Variants in RASSF6 observed in about 807,000 individuals in gnomAD.
The protein encoded by RASSF6 is ras association domain-containing protein 6.
A neutral mutation model predicts 44.0 loss-of-function variants in RASSF6; 52 were observed. The observed-to-expected ratio is 1.18, with a 90% CI of 0.95 to 1.49. RASSF6 has a LOEUF of 1.49. Ranked by LOEUF, RASSF6 falls within the 40% of genes most tolerant of loss-of-function variation. The pLI is 0.00. For missense variants in RASSF6, 464 were observed against 393.3 expected (o/e 1.18, Z -1.52); for synonymous variants, 162 against 124.6 (o/e 1.30, Z -2.00).
intron 3 of RASSF6, among the ~76,000 whole-genome samples, chr4:73,594,833 C>G (rs1724821067): frequency 6.6e-6 from 1 of 152,122 alleles, no homozygotes; most frequent in African/African-American, 2.4e-5. Context: ...CTCAATTAAG[C>G]CTTTGTATCA....
intron 8 of RASSF6, among the ~76,000 whole-genome samples, chr4:73,576,991 A>T (rs1006895427): frequency 3.3e-5 from 5 of 152,178 alleles, no homozygotes; most frequent in African/African-American, 1.2e-4. Context: ...CTCCGGTCTG[A>T]TAGGCCTTTT....
chr4:73,585,295 T>TAG lies in RASSF6; in HGVS notation c.450_451dup (p.Tyr151SerfsTer5). On this transcript the variant is annotated frameshift_variant, in exon 6 of 11. Coordinates refer to ENST00000307439, the MANE Select transcript of RASSF6 (RefSeq NM_177532.5). LOFTEE classifies it high-confidence loss of function. ...CAGAGCTGCTTCACTCATGGTTCTATAGAGCACTGGGGAGTCTGGTTCATC... is the reference window on the plus strand; with the variant it reads ...CAGAGCTGCTTCACTCATGGTTCTATAGAGAGCACTGGGGAGTCTGGTTCATC... 6.2e-7 allele frequency: 1 copy of TAG among 1,612,740 alleles called. No individual in the cohort carries two copies. The highest frequency in any genetic ancestry group is 8.5e-7 in the Non-Finnish European group (1 of 1,179,114).
At chr4:73,608,284 A>T (rs1185444434) in intron 2 of RASSF6, among the ~76,000 whole-genome samples, 1 of 151,862 alleles carries the variant, frequency 6.6e-6, no homozygotes, top group Non-Finnish European at 1.5e-5. Context: ...ATCGTTTTTA[A>T]ACCTCCTTAA....
chr4:73,593,080 A>G (rs565873476), intron 4 of RASSF6, among the ~76,000 whole-genome samples: 10 of 149,978 alleles, frequency 6.7e-5, no homozygotes, highest in African/African-American at 2.5e-4. Flanking sequence ...CAATGGCGCA[A>G]TCTCGGCTCA....
chr4:73,602,266 C>T (rs568258456), intron 2 of RASSF6, among the ~76,000 whole-genome samples: 3 of 152,120 alleles, frequency 2.0e-5, no homozygotes, highest in Non-Finnish European at 4.4e-5. Flanking sequence ...TACTAAGGAT[C>T]ACTAGGTAGA....
intron 2 of RASSF6, among the ~76,000 whole-genome samples, chr4:73,606,226 C>A (rs1400635617): frequency 6.6e-5 from 10 of 152,188 alleles, no homozygotes; most frequent in African/African-American, 2.2e-4. Flanking sequence ...ATGGAATACT[C>A]TGTAGCCATA....
At chr4:73,580,367 T>C (rs1201687717) in intron 8 of RASSF6, among the ~76,000 whole-genome samples, 12 of 149,360 alleles carry the variant, frequency 8.0e-5, no homozygotes, top group Non-Finnish European at 1.5e-4. Flanking sequence ...GCATGATTTA[T>C]AGTCCTTTGG....
chr4:73,584,079 C>A (rs1448177847), intron 6 of RASSF6, among the ~76,000 whole-genome samples: 1 of 152,040 alleles, frequency 6.6e-6, no homozygotes, highest in African/African-American at 2.4e-5. Context: ...TGGTAGGTAC[C>A]TCTCTGTGGG....
intron 1 of RASSF6, chr4:73,615,873 G>A: frequency 1.3e-6 from 2 of 1,548,538 alleles, no homozygotes; most frequent in Non-Finnish European, 8.7e-7. Flanking sequence ...GCCTAGAGGT[G>A]GGCTTGCCTG....
intron 2 of RASSF6, among the ~76,000 whole-genome samples, chr4:73,603,728 A>T (rs1394147986): frequency 6.6e-6 from 1 of 152,172 alleles, no homozygotes; most frequent in South Asian, 2.1e-4. Context: ...GCTGGAAGAA[A>T]CTTTTTATTT....
In RASSF6 at chr4:73,576,632, G is replaced by C. The variant is rs17804499; in HGVS notation, c.821C>G (p.Ala274Gly). Reference sequence around the variant, plus strand: ...TCATACATCACTGCTAATTTCTTCTGCATCTTTATCCATGAGGAAAATGCG... The same window carrying C: ...TCATACATCACTGCTAATTTCTTCTCCATCTTTATCCATGAGGAAAATGCG... ...NARIFLMDKD[A>G]EEISSDVAQY... Residue 274 changes from alanine to glycine, a missense_variant, in exon 9 of 11, where the codon GCA becomes GGA. By Grantham distance (60) the Ala-to-Gly change is moderately conservative. Coordinates refer to ENST00000307439, the MANE Select transcript of RASSF6 (RefSeq NM_177532.5). 0.049 allele frequency: 78,763 copies of C among 1,611,928 alleles called. 2,209 individuals are homozygous for C. The highest frequency in any genetic ancestry group is 0.057 in the Non-Finnish European group (66,709 of 1,178,158).
At chr4:73,590,938 G>A (rs903146373) in intron 4 of RASSF6, among the ~76,000 whole-genome samples, 4 of 152,172 alleles carry the variant, frequency 2.6e-5, no homozygotes, top group East Asian at 3.8e-4. Context: ...CCTATAGCAG[G>A]TGTATCATGA....
chr4:73,577,039 TC>T (rs1486968337), intron 8 of RASSF6, among the ~76,000 whole-genome samples: 1 of 152,196 alleles, frequency 6.6e-6, no homozygotes, highest in Non-Finnish European at 1.5e-5. Flanking sequence ...TAGGTTTCAT[TC>T]CACCATTCCT....
chr4:73,585,989 C>T (rs1355329583), intron 5 of RASSF6, among the ~76,000 whole-genome samples: 1 of 92,216 alleles, frequency 1.1e-5, no homozygotes, highest in African/African-American at 4.3e-5. Flanking sequence ...CCCCCTCCCC[C>T]CACCCCATTA....
Position 73,573,595 on chromosome 4 carries a change from T to C in RASSF6, c.*2640A>G, listed in dbSNP as rs914317149. The C allele has an allele frequency of 1.3e-5, 2 of 152,260 alleles. No homozygotes were observed. The highest frequency in any genetic ancestry group is 2.9e-5 in the Non-Finnish European group (2 of 68,042). The allele number at this position is 152,260 out of a possible 1,614,324, so 9.4% of individuals were successfully genotyped here. On this transcript the variant is annotated 3_prime_UTR_variant, in exon 11 of 11. Coordinates refer to ENST00000307439, the MANE Select transcript of RASSF6 (RefSeq NM_177532.5). ...AAGTAGAATTATAGGATAAACAGACTACTAAATTGCCTTCAAGAAAAATTA... is the reference window on the plus strand; with the variant it reads ...AAGTAGAATTATAGGATAAACAGACCACTAAATTGCCTTCAAGAAAAATTA...
chr4:73,593,988 G>A (rs1724757251), intron 3 of RASSF6, among the ~76,000 whole-genome samples: 1 of 152,170 alleles, frequency 6.6e-6, no homozygotes, highest in Non-Finnish European at 1.5e-5. Flanking sequence ...TAAAGATTTA[G>A]CAGCTATTTC....
At chr4:73,618,257 A>C (rs1726486627) in intron 1 of RASSF6, among the ~76,000 whole-genome samples, 1 of 149,618 alleles carries the variant, frequency 6.7e-6, no homozygotes, top group African/African-American at 2.4e-5. Context: ...TAGTAGAATA[A>C]ATGTAAATTC....
At position 73,576,609 on chromosome 4, in the gene RASSF6, A is replaced by C; in HGVS notation, c.840+4T>G. The C allele has an allele frequency of 6.3e-7, 1 of 1,591,136 alleles. No homozygotes were observed. Among genetic ancestry groups the C allele is most frequent in the Middle Eastern group, 1.7e-4 (1 of 6,004 alleles). On this transcript the variant is annotated splice_donor_region_variant and intron_variant, in intron 9 of 10. Transcript: ENST00000307439. ...AAACAGATTCAGGGTGATGGTATTCATACATCACTGCTAATTTCTTCTGCA... is the reference window on the plus strand; with the variant it reads ...AAACAGATTCAGGGTGATGGTATTCCTACATCACTGCTAATTTCTTCTGCA...
At chr4:73,603,290 C>A (rs1725404347) in intron 2 of RASSF6, among the ~76,000 whole-genome samples, 1 of 152,036 alleles carries the variant, frequency 6.6e-6, no homozygotes, top group Non-Finnish European at 1.5e-5. Context: ...CTGAAGAAAA[C>A]CAAACTTCCA....
Sources: allele counts gnomAD v4.1 joint callset (sites outside exome capture counted in the v4.1 genomes callset), GRCh38; gene constraint gnomAD v4.1.1; transcripts MANE v1.5; gene names NCBI Gene and HGNC (gene_info 2026-07-23, HGNC 2026-07-21).